PDE1A: variants seen among roughly 807,000 people sequenced by gnomAD.
PDE1A encodes dual specificity calcium/calmodulin-dependent 3',5'-cyclic nucleotide phosphodiesterase 1A.
PDE1A carries 35 observed loss-of-function variants against 61.7 expected under a neutral mutation model. The ratio of observed to expected loss-of-function variants is 0.57; its 90% CI spans 0.43 to 0.75. The LOEUF is 0.75. Among genes scored for constraint, PDE1A ranks in the 30% least tolerant of loss-of-function variants. The probability of loss-of-function intolerance (pLI) is 0.00; values close to 1 mark genes in which losing one functional copy is unlikely to be tolerated. For missense variants in PDE1A, 597 were observed against 630.6 expected (o/e 0.95, Z 0.57); for synonymous variants, 232 against 213.2 (o/e 1.09, Z -0.77).
chr2:182,665,281 G>A, the PDE1A span, among the ~76,000 whole-genome samples: 1 of 152,080 alleles, frequency 6.6e-6, no homozygotes. Flanking sequence ...TCATCATAGT[G>A]AACAGGCAAC....
chr2:182,505,638 C>T (rs1379468762), intron 2 of PDE1A, among the ~76,000 whole-genome samples: 1 of 152,176 alleles, frequency 6.6e-6, no homozygotes, highest in Admixed American at 6.6e-5. Flanking sequence ...GCCCATCCTC[C>T]AATAGGTCTC....
chr2:182,266,743 G>A (rs1488852667), intron 1 of PDE1A, among the ~76,000 whole-genome samples: 1 of 152,122 alleles, frequency 6.6e-6, no homozygotes, highest in African/African-American at 2.4e-5. Context: ...GTACCGGAAG[G>A]AGTTCTCTTG....
the PDE1A span, among the ~76,000 whole-genome samples, chr2:182,655,263 C>G: frequency 4.9e-4 from 74 of 152,318 alleles, no homozygotes; most frequent in African/African-American, 1.6e-3. Flanking sequence ...GAGCTTCTAA[C>G]TCCATTCCTC....
the PDE1A span, among the ~76,000 whole-genome samples, chr2:182,568,538 C>T: frequency 5.9e-5 from 9 of 152,042 alleles, no homozygotes; most frequent in African/African-American, 1.7e-4. Flanking sequence ...CAGTGGCGGG[C>T]GCCTGTAGTC....
intron 1 of PDE1A, among the ~76,000 whole-genome samples, chr2:182,348,300 T>C (rs573256564): frequency 3.3e-5 from 5 of 152,114 alleles, no homozygotes; most frequent in African/African-American, 4.8e-5. Flanking sequence ...CTTAGGCAGA[T>C]TGTTAGACTC....
At chr2:182,551,120 G>A in the PDE1A span, among the ~76,000 whole-genome samples, 1 of 150,852 alleles carries the variant, frequency 6.6e-6, no homozygotes, top group South Asian at 2.1e-4. Flanking sequence ...TGACTAGAAA[G>A]AGGCATAATA....
the PDE1A span, among the ~76,000 whole-genome samples, chr2:182,568,510 C>A: frequency 6.6e-6 from 1 of 151,980 alleles, no homozygotes; most frequent in Non-Finnish European, 1.5e-5. Flanking sequence ...ACTAAAAATA[C>A]AGAAAGTTAG....
At chr2:182,449,108 C>A (rs1010854018) in intron 2 of PDE1A, among the ~76,000 whole-genome samples, 1 of 146,700 alleles carries the variant, frequency 6.8e-6, no homozygotes, top group Non-Finnish European at 1.5e-5. Context: ...GGAAATCCTT[C>A]TAAATCTTCT....
rs57707793 is a variant in PDE1A at position 182,498,045 on chromosome 2, CAAAAAAA to C, written c.101+24224_101+24230del. Among the ~76,000 whole-genome samples, 275 of 64,322 alleles carry C rather than the reference CAAAAAAA, an allele frequency of 4.3e-3. 2 individuals carry two copies. Among genetic ancestry groups the C allele is most frequent in the African/African-American group, 0.015 (255 of 16,660 alleles). The allele number at this position is 64,322 out of a possible 152,430, so 42.2% of individuals were successfully genotyped here. Reference sequence around the variant, plus strand: ...TGTGCGACAGAGCGAGATTGCGTCTCAAAAAAAAAAAAAAAAAAAAAAAAAAGACTGA... The same window carrying C: ...TGTGCGACAGAGCGAGATTGCGTCTCAAAAAAAAAAAAAAAAAAAGACTGA... On this transcript the variant is annotated intron_variant, in intron 2 of 14. Transcript: ENST00000410103.
At chr2:182,341,037 T>C (rs1289679340) in intron 1 of PDE1A, among the ~76,000 whole-genome samples, 1 of 152,242 alleles carries the variant, frequency 6.6e-6, no homozygotes, top group African/African-American at 2.4e-5. Flanking sequence ...TGGCATTGTT[T>C]AGTATGGTGC....
At chr2:182,428,330 G>T (rs531873516), upstream of PDE1A, among the ~76,000 whole-genome samples, 15 of 151,804 alleles carry the variant, frequency 9.9e-5, no homozygotes, top group Admixed American at 3.9e-4. Context: ...AATCTGATTC[G>T]CCTGCTTCTT....
intron 2 of PDE1A, among the ~76,000 whole-genome samples, chr2:182,470,729 T>G (rs1203426818): frequency 6.6e-6 from 1 of 151,780 alleles, no homozygotes; most frequent in Middle Eastern, 3.2e-3. Flanking sequence ...AGAGACAGTA[T>G]GCACTGTTCA....
the PDE1A span, among the ~76,000 whole-genome samples, chr2:182,533,069 T>C: frequency 5.8e-4 from 88 of 151,832 alleles, 1 homozygote; most frequent in South Asian, 0.012. Flanking sequence ...CCCAGCACTT[T>C]GGGAGGCCAA....
the PDE1A span, among the ~76,000 whole-genome samples, chr2:182,662,106 T>C: frequency 6.6e-6 from 1 of 151,730 alleles, no homozygotes; most frequent in East Asian, 1.9e-4. Context: ...ACATGAAGAC[T>C]TATAATACAG....
intron 2 of PDE1A, among the ~76,000 whole-genome samples, chr2:182,507,229 C>A (rs904516105): frequency 2.0e-5 from 3 of 152,000 alleles, no homozygotes; most frequent in Admixed American, 6.6e-5. Context: ...AAACCAGAGA[C>A]TTATGTGAAA....
the PDE1A span, among the ~76,000 whole-genome samples, chr2:182,586,817 G>T: frequency 1.3e-5 from 2 of 152,284 alleles, no homozygotes; most frequent in African/African-American, 4.8e-5. Flanking sequence ...ATGTTTATCA[G>T]ATGCATATTA....
chr2:182,233,166 G>A (rs1172874259), intron 4 of PDE1A, among the ~76,000 whole-genome samples: 1 of 152,154 alleles, frequency 6.6e-6, no homozygotes, highest in Non-Finnish European at 1.5e-5. Flanking sequence ...CTTGCTCATT[G>A]TTAAGGAAAT....
chr2:182,288,406 T>G (rs1418652049), intron 1 of PDE1A, among the ~76,000 whole-genome samples: 1 of 152,082 alleles, frequency 6.6e-6, no homozygotes, highest in Non-Finnish European at 1.5e-5. Context: ...AGTCAACAGG[T>G]TCGTCTATCA....
intron 13 of PDE1A, among the ~76,000 whole-genome samples, chr2:182,154,556 G>A (rs979940625): frequency 7.9e-5 from 12 of 152,088 alleles, no homozygotes; most frequent in Admixed American, 7.2e-4. Context: ...CTGTTCTCAC[G>A]GTAGTGAATA....
Sources: allele counts gnomAD v4.1 joint callset (sites outside exome capture counted in the v4.1 genomes callset), GRCh38; gene constraint gnomAD v4.1.1; transcripts MANE v1.5; gene names NCBI Gene and HGNC (gene_info 2026-07-23, HGNC 2026-07-21).